The following NRXN3 variants were observed in gnomAD, a reference collection of about 807,000 sequenced individuals.
NRXN3 encodes the protein neurexin 3, also known as neurexin III.
In NRXN3, 32 loss-of-function variants were observed where a neutral mutation model predicts 137.6. The ratio of observed to expected loss-of-function variants is 0.23; its 90% CI spans 0.18 to 0.31. The LOEUF is 0.31. Ranked by LOEUF, NRXN3 falls within the 10% of genes least tolerant of loss-of-function variation. The pLI, the probability that NRXN3 is intolerant of heterozygous loss-of-function variation, is 1.00. For missense variants in NRXN3, 1,574 were observed against 2,062.5 expected (o/e 0.76, Z 4.59); for synonymous variants, 798 against 784.5 (o/e 1.02, Z -0.29).
chr14:79,763,231 T>C lies in NRXN3; in HGVS notation c.4015-41881T>C, dbSNP rs2139482303. Reference sequence around the variant, plus strand: ...TTTTTTATGGTTGCATAGTATTCCATGGTGTATACGTGCCACATTTTCTTT... The same window carrying C: ...TTTTTTATGGTTGCATAGTATTCCACGGTGTATACGTGCCACATTTTCTTT... On this transcript the variant is annotated intron_variant, in intron 19 of 20. Coordinates refer to ENST00000335750, the MANE Select transcript of NRXN3 (RefSeq NM_001330195.2). Among the ~76,000 whole-genome samples the C allele has an allele frequency of 2.6e-5, 4 of 151,792 alleles. No individual in the cohort carries two copies. In the Middle Eastern group the frequency reaches 0.01, roughly 387 times the overall value.
At chr14:79,232,571 G>A (rs2072442514) in intron 15 of NRXN3, among the ~76,000 whole-genome samples, 1 of 151,980 alleles carries the variant, frequency 6.6e-6, no homozygotes, top group Non-Finnish European at 1.5e-5. Flanking sequence ...CCTACAATTC[G>A]GTTACAGGTT....
At chr14:79,345,843 G>T (rs1176801463) in intron 15 of NRXN3, among the ~76,000 whole-genome samples, 1 of 152,078 alleles carries the variant, frequency 6.6e-6, no homozygotes, top group Non-Finnish European at 1.5e-5. Flanking sequence ...CTTCCTGTAC[G>T]TCCTGCAGAT....
chr14:78,793,075 C>T (rs1051399091), intron 8 of NRXN3, among the ~76,000 whole-genome samples: 1 of 152,024 alleles, frequency 6.6e-6, no homozygotes, highest in African/African-American at 2.4e-5. Context: ...CCATGATGTG[C>T]TTATTTCACA....
intron 15 of NRXN3, among the ~76,000 whole-genome samples, chr14:79,136,208 C>T: frequency 6.6e-6 from 1 of 152,162 alleles, no homozygotes; most frequent in East Asian, 1.9e-4. Context: ...CTCTATGATA[C>T]TCCCTAAAGG....
intron 8 of NRXN3, among the ~76,000 whole-genome samples, chr14:78,732,865 A>C (rs1009617307): frequency 6.6e-6 from 1 of 152,204 alleles, no homozygotes; most frequent in Non-Finnish European, 1.5e-5. Context: ...TAAGGTTCTC[A>C]GACACTTGGA....
At chr14:79,402,241 T>C (rs1217929314) in intron 15 of NRXN3, among the ~76,000 whole-genome samples, 5 of 152,184 alleles carry the variant, frequency 3.3e-5, no homozygotes, top group African/African-American at 1.2e-4. Context: ...CAGCCTTTTT[T>C]TCTGTGTCTA....
At chr14:79,500,142 A>G (rs2096807670) in intron 16 of NRXN3, among the ~76,000 whole-genome samples, 1 of 151,430 alleles carries the variant, frequency 6.6e-6, no homozygotes, top group Admixed American at 6.6e-5. Context: ...CACTTTACAG[A>G]CATTTATCTT....
chr14:78,868,573 A>C (rs1048176298), intron 10 of NRXN3, among the ~76,000 whole-genome samples: 1 of 152,138 alleles, frequency 6.6e-6, no homozygotes, highest in African/African-American at 2.4e-5. Context: ...TAATCTCAGC[A>C]CTTTGGGAGG....
At position 78,819,312 on chromosome 14, in the gene NRXN3, T is replaced by G. The variant is rs114279936; in HGVS notation, c.2275+8968T>G. Among the ~76,000 whole-genome samples, 1,421 of 152,098 alleles carry G rather than the reference T, an allele frequency of 9.3e-3. 18 individuals carry two copies. Among genetic ancestry groups the G allele is most frequent in the African/African-American group, 0.033 (1,349 of 41,488 alleles). ...TAACTGCTGGTTCTGCATCTGCAGA[T>G]TCAACTAACAAAAAAATTGAAAATA... On this transcript the variant is annotated intron_variant, in intron 10 of 20. Coordinates refer to ENST00000335750, the MANE Select transcript of NRXN3 (RefSeq NM_001330195.2).
At chr14:78,305,411 T>A (rs2077271599) in intron 4 of NRXN3, among the ~76,000 whole-genome samples, 2 of 152,182 alleles carry the variant, frequency 1.3e-5, no homozygotes, top group Admixed American at 1.3e-4. Context: ...TCCTTTAAAG[T>A]TCAGAAGCCC....
At chr14:78,363,609 T>C (rs930956475) in intron 4 of NRXN3, among the ~76,000 whole-genome samples, 5 of 152,164 alleles carry the variant, frequency 3.3e-5, no homozygotes, top group Non-Finnish European at 4.4e-5. Flanking sequence ...TCCAAACCCA[T>C]TGCAGTGCTC....
At chr14:78,520,772 A>T (rs1408879990) in intron 4 of NRXN3, among the ~76,000 whole-genome samples, 1 of 152,196 alleles carries the variant, frequency 6.6e-6, no homozygotes, top group African/African-American at 2.4e-5. Flanking sequence ...ATTACTGGAT[A>T]GGTTGGAAGG....
intron 16 of NRXN3, among the ~76,000 whole-genome samples, chr14:79,565,292 C>CAT (rs2097538380): frequency 8.6e-6 from 1 of 116,256 alleles, no homozygotes; most frequent in Non-Finnish European, 1.7e-5. Context: ...TATACGCACA[C>CAT]ATGTGTATAT....
chr14:79,722,490 T>C (rs1164889981), intron 19 of NRXN3, among the ~76,000 whole-genome samples: 3 of 152,178 alleles, frequency 2.0e-5, no homozygotes, highest in Non-Finnish European at 4.4e-5. Context: ...GTTTTTCTTT[T>C]GTACCTTGTA....
chr14:78,963,434 T>C (rs187978737), intron 11 of NRXN3, among the ~76,000 whole-genome samples: 24 of 152,080 alleles, frequency 1.6e-4, no homozygotes, highest in African/African-American at 5.5e-4. Context: ...TCTGTGGATA[T>C]TGACTATGAC....
At chr14:79,250,177 C>G (rs2075743103) in intron 15 of NRXN3, among the ~76,000 whole-genome samples, 1 of 151,830 alleles carries the variant, frequency 6.6e-6, no homozygotes, top group South Asian at 2.1e-4. Context: ...AGTGTGTATT[C>G]CAGAAAATCT....
intron 10 of NRXN3, among the ~76,000 whole-genome samples, chr14:78,853,067 C>T (rs778087838): frequency 7.9e-5 from 12 of 151,560 alleles, no homozygotes; most frequent in Non-Finnish European, 1.3e-4. Context: ...ATGTATCATA[C>T]GGTTTTTTTT....
At chr14:78,785,835 C>T (rs1217188602) in intron 8 of NRXN3, among the ~76,000 whole-genome samples, 2 of 152,106 alleles carry the variant, frequency 1.3e-5, no homozygotes, top group Non-Finnish European at 1.5e-5. Flanking sequence ...TGAATCGAGA[C>T]ACAGTTGTTG....
At chr14:78,645,084 A>C in intron 4 of NRXN3, 36 bp from the exon 5 acceptor site, 1 of 1,502,096 alleles carries the variant, frequency 6.7e-7, no homozygotes, top group Non-Finnish European at 8.9e-7. Flanking sequence ...CTTGCCAGAC[A>C]AGTGCTGATT....
Sources: gnomAD v4.1 joint callset for allele counts (sites outside exome capture counted in the v4.1 genomes callset) on GRCh38, gnomAD v4.1.1 for gene constraint, MANE v1.5 for transcripts, NCBI Gene and HGNC (gene_info 2026-07-23, HGNC 2026-07-21) for gene names.